The following GRM5 variants were observed in gnomAD, a reference collection of about 807,000 sequenced individuals.
The protein encoded by GRM5 is glutamate metabotropic receptor 5, also known as metabotropic glutamate receptor 5.
Under a neutral mutation model 83.1 loss-of-function variants are expected in GRM5, and 19 were observed. That is an observed-to-expected ratio of 0.23 (90% CI 0.16 to 0.34). The LOEUF is 0.34. GRM5 is among the 10% of genes least tolerant of loss of function. The pLI is 1.00. For synonymous variants in GRM5, 675 were observed against 633.6 expected (o/e 1.07, Z -0.98); for missense variants, 1,160 against 1,588.3 (o/e 0.73, Z 4.58).
intron 3 of GRM5, among the ~76,000 whole-genome samples, chr11:88,814,255 C>T (rs1436946289): frequency 6.6e-6 from 1 of 152,146 alleles, no homozygotes; most frequent in Non-Finnish European, 1.5e-5. Context: ...AGGGAATTTC[C>T]AGGCCATTGC....
chr11:88,855,669 T>C (rs1332319648), intron 2 of GRM5, among the ~76,000 whole-genome samples: 1 of 151,918 alleles, frequency 6.6e-6, no homozygotes, highest in Admixed American at 6.6e-5. Context: ...TGTTTTATCA[T>C]GGGATTTCTA....
chr11:88,910,067 A>G (rs1316268376), intron 2 of GRM5, among the ~76,000 whole-genome samples: 2 of 151,044 alleles, frequency 1.3e-5, no homozygotes, highest in African/African-American at 4.9e-5. Flanking sequence ...CTAAGCAATC[A>G]CTCCCCAGTT....
chr11:88,511,417 C>T (rs1941365649), intron 9 of GRM5, among the ~76,000 whole-genome samples: 1 of 152,200 alleles, frequency 6.6e-6, no homozygotes, highest in Non-Finnish European at 1.5e-5. Context: ...TGCTTTTTGC[C>T]TCTTTCCACA....
At chr11:88,878,619 G>C (rs1377803157) in intron 2 of GRM5, among the ~76,000 whole-genome samples, 1 of 152,134 alleles carries the variant, frequency 6.6e-6, no homozygotes, top group East Asian at 1.9e-4. Context: ...TTTTTATCTT[G>C]GTAAGAAAGT....
chr11:88,557,331 A>G (rs72953089), intron 8 of GRM5, among the ~76,000 whole-genome samples: 48 of 152,310 alleles, frequency 3.2e-4, no homozygotes, highest in Non-Finnish European at 6.6e-4. Flanking sequence ...GAAGCAAGCC[A>G]TTATTAATCC....
Position 88,508,911 on chromosome 11 carries a change from G to T in GRM5, c.3320C>A (p.Thr1107Lys), listed in dbSNP as rs546269389. The change falls in exon 10 of 10, where the codon ACG becomes AAG. Residue 1107 changes from threonine (T) to lysine (K), a missense_variant. By Grantham distance (78) the Thr-to-Lys change is moderately conservative. Around this residue, in one of 9 missense-constraint regions of GRM5, gnomAD observed 562 missense variants for 532.4 expected, o/e 1.06. Transcript: ENST00000305447. This position sits in a 1 kb window ranked among gnomAD's most constrained non-coding sequence, Gnocchi z 4.2. ...YLIPKEIQLP[T>K]TMTTFAEIQP... ...GATTTCGGCAAAGGTCGTCATGGTC[G>T]TGGGCAACTGGATCTCTTTGGGGAT... The T allele has an allele frequency of 1.9e-6, 3 of 1,600,994 alleles. No individual in the cohort carries two copies. Among genetic ancestry groups the T allele is most frequent in the African/African-American group, 2.7e-5 (2 of 74,504 alleles).
At chr11:88,869,597 C>G (rs1371008256) in intron 2 of GRM5, among the ~76,000 whole-genome samples, 2 of 151,528 alleles carry the variant, frequency 1.3e-5, no homozygotes, top group Non-Finnish European at 3.0e-5. Flanking sequence ...ATTTATAACT[C>G]TTCAACCCCC....
intron 4 of GRM5, among the ~76,000 whole-genome samples, chr11:88,634,687 T>A (rs1186395880): frequency 6.6e-6 from 1 of 152,172 alleles, no homozygotes; most frequent in Non-Finnish European, 1.5e-5. Context: ...ACAGTTGACT[T>A]TTTATTTCTT....
intron 8 of GRM5, among the ~76,000 whole-genome samples, chr11:88,549,502 AAAC>A (rs951467022): frequency 2.0e-5 from 3 of 151,898 alleles, no homozygotes; most frequent in Non-Finnish European, 4.4e-5. Context: ...CCCAGAGAAC[AAAC>A]AACAACAACA....
intron 3 of GRM5, among the ~76,000 whole-genome samples, chr11:88,823,573 T>C (rs543045204): frequency 9.4e-4 from 143 of 151,780 alleles, no homozygotes; most frequent in South Asian, 2.1e-3. Context: ...GACCTGTCTA[T>C]TGTAGATTTT....
intron 2 of GRM5, among the ~76,000 whole-genome samples, chr11:88,945,242 A>T (rs992807074): frequency 6.6e-6 from 1 of 152,056 alleles, no homozygotes; most frequent in Non-Finnish European, 1.5e-5. Flanking sequence ...GAAATCATAG[A>T]TGACACAAAA....
At chr11:88,825,011 T>G (rs780835204) in intron 3 of GRM5, among the ~76,000 whole-genome samples, 4 of 152,224 alleles carry the variant, frequency 2.6e-5, no homozygotes, top group Non-Finnish European at 5.9e-5. Flanking sequence ...GATGAGTTAA[T>G]ATTTATGAGC....
At chr11:88,529,045 G>A (rs973001413) in intron 8 of GRM5, among the ~76,000 whole-genome samples, 4 of 151,928 alleles carry the variant, frequency 2.6e-5, no homozygotes, top group African/African-American at 2.4e-5. Flanking sequence ...TCTTGACCCC[G>A]TTTTGCAAAT....
intron 2 of GRM5, among the ~76,000 whole-genome samples, chr11:89,017,931 C>T (rs1011657454): frequency 2.0e-5 from 3 of 152,088 alleles, no homozygotes; most frequent in Non-Finnish European, 1.5e-5. Flanking sequence ...CTTCTTACCA[C>T]CTCTTTCTCC....
chr11:88,792,975 A>T (rs980098591), intron 3 of GRM5, among the ~76,000 whole-genome samples: 1 of 152,142 alleles, frequency 6.6e-6, no homozygotes, highest in Non-Finnish European at 1.5e-5. Context: ...TACTATTTAG[A>T]GTAAGACGGG....
chr11:88,866,094 A>G (rs1944658793), intron 2 of GRM5, among the ~76,000 whole-genome samples: 1 of 152,184 alleles, frequency 6.6e-6, no homozygotes, highest in Non-Finnish European at 1.5e-5. Context: ...CCTACTATAA[A>G]GACACATTCA....
chr11:88,646,274 A>G (rs958731691), intron 4 of GRM5, among the ~76,000 whole-genome samples: 3 of 152,072 alleles, frequency 2.0e-5, no homozygotes, highest in African/African-American at 4.8e-5. Context: ...TAAATATACT[A>G]TTAGAGAAAA....
At position 88,567,153 on chromosome 11, in the gene GRM5, G is replaced by A. The variant is rs752621407; in HGVS notation, c.2530C>T (p.Arg844Cys). The change falls in exon 8 of 10, where the codon CGC becomes TGC. Residue 844 changes from arginine (R) to cysteine (C), a missense_variant. Coordinates refer to ENST00000305447, the MANE Select transcript of GRM5 (RefSeq NM_001143831.3). This position sits in a 1 kb window ranked among gnomAD's most constrained non-coding sequence, Gnocchi z 7.3. ...RSAFTTSTVV[R>C]MHVGDGKSSS... ...GACTTGCCATCCCCTACATGCATGCGCACCACGGTAGATGTGGTGAAGGCG... is the reference window on the plus strand; with the variant it reads ...GACTTGCCATCCCCTACATGCATGCACACCACGGTAGATGTGGTGAAGGCG... 3.7e-6 allele frequency: 6 copies of A among 1,613,462 alleles called. No homozygotes were observed. Among genetic ancestry groups the A allele is most frequent in the Non-Finnish European group, 5.1e-6 (6 of 1,179,448 alleles).
At chr11:88,593,599 A>T (rs890685618) in intron 6 of GRM5, among the ~76,000 whole-genome samples, 1 of 150,448 alleles carries the variant, frequency 6.6e-6, no homozygotes, top group Non-Finnish European at 1.5e-5. Flanking sequence ...AATCACCTGA[A>T]CCCGGGAGGC....
Sources: allele counts gnomAD v4.1 joint callset (sites outside exome capture counted in the v4.1 genomes callset), GRCh38; gene constraint gnomAD v4.1.1; regional missense constraint gnomAD v4.1.1; non-coding constraint Gnocchi (gnomAD v3.1); transcripts MANE v1.5; gene names NCBI Gene and HGNC (gene_info 2026-07-23, HGNC 2026-07-21).